The following CDH22 variants were observed in gnomAD, a reference collection of about 807,000 sequenced individuals.
The protein encoded by CDH22 is cadherin-22.
In CDH22, 30 loss-of-function variants were observed where a neutral mutation model predicts 58.4. The ratio of observed to expected loss-of-function variants is 0.51; its 90% CI spans 0.38 to 0.70. CDH22 has a LOEUF of 0.70. Among genes scored for constraint, CDH22 ranks in the 30% least tolerant of loss-of-function variants. CDH22 has a pLI of 0.00. For synonymous variants in CDH22, 513 were observed against 558.2 expected (o/e 0.92, Z 1.14); for missense variants, 1,014 against 1,233.9 (o/e 0.82, Z 2.67).
intron 8 of CDH22, among the ~76,000 whole-genome samples, chr20:46,191,372 C>A (rs141475192): frequency 1.6e-3 from 246 of 152,118 alleles, no homozygotes; most frequent in Admixed American, 2.6e-3. Flanking sequence ...AGGATCCCAG[C>A]CCCTACTAGA....
At chr20:46,186,202 C>T (rs1044597321) in intron 10 of CDH22, among the ~76,000 whole-genome samples, 9 of 81,116 alleles carry the variant, frequency 1.1e-4, no homozygotes, top group Admixed American at 4.1e-4. Flanking sequence ...GACCCTGTCT[C>T]AAAAAAAAAA....
chr20:46,174,466 G>T lies in CDH22; in HGVS notation c.*40C>A. ...TTGTCCTGGGGCCCCGGCGTGTGCTGGGCGGGTGAGCAGCCGCGCCCCGAC... is the reference window on the plus strand; with the variant it reads ...TTGTCCTGGGGCCCCGGCGTGTGCTTGGCGGGTGAGCAGCCGCGCCCCGAC... On this transcript the variant is annotated 3_prime_UTR_variant, in exon 12 of 12. Coordinates refer to ENST00000537909, the MANE Select transcript of CDH22 (RefSeq NM_021248.3). This position sits in a 1 kb window ranked among gnomAD's most constrained non-coding sequence, Gnocchi z 4.4. 1 of 1,358,436 alleles carries T rather than the reference G, an allele frequency of 7.4e-7. No homozygotes were observed. Among genetic ancestry groups the T allele is most frequent in the Non-Finnish European group, 9.6e-7 (1 of 1,038,642 alleles). 84.1% of individuals were successfully genotyped at this position (1,358,436 alleles called of 1,614,324 possible). A position where few individuals can be genotyped will look rare whatever the true frequency, so the allele number is the denominator to read the frequency against.
chr20:46,279,299 AATATCAGC>A (rs1438291044), intron 1 of CDH22, among the ~76,000 whole-genome samples: 1 of 152,212 alleles, frequency 6.6e-6, no homozygotes, highest in Non-Finnish European at 1.5e-5. Context: ...GTGTGAGAGA[AATATCAGC>A]ATGTGTAGCA....
intron 4 of CDH22, among the ~76,000 whole-genome samples, chr20:46,224,725 C>T (rs1388412441): frequency 6.6e-6 from 1 of 152,202 alleles, no homozygotes. Context: ...TCTGCCTCCT[C>T]CCCCAACCTA....
chr20:46,175,016 C>T lies in CDH22; in HGVS notation c.1977G>A (p.Glu659=). 1 of 1,609,790 alleles carries T rather than the reference C, an allele frequency of 6.2e-7. No homozygotes were observed. Among genetic ancestry groups the T allele is most frequent in the Non-Finnish European group, 8.5e-7 (1 of 1,179,512 alleles). Residue 659 remains glutamate (E), a synonymous_variant, in exon 12 of 12, where the codon GAG becomes GAA. Coordinates refer to ENST00000537909, the MANE Select transcript of CDH22 (RefSeq NM_021248.3). ...TGACGTTGTCCCGCATGTCTTCATCCTCGTCCGAGCTCAGGTGGCTCTTGT... is the reference window on the plus strand; with the variant it reads ...TGACGTTGTCCCGCATGTCTTCATCTTCGTCCGAGCTCAGGTGGCTCTTGT... ...RHHKSHLSSD[E]DEDMRDNVIK...
intron 4 of CDH22, among the ~76,000 whole-genome samples, chr20:46,223,666 C>CTTCTTTCCTTCTTTCT (rs2086144108): frequency 1.7e-5 from 2 of 115,524 alleles, no homozygotes; most frequent in African/African-American, 6.8e-5. Flanking sequence ...TTTTTCTTTC[C>CTTCTTTCCTTCTTTCT]TTCTTTCTTT....
At position 46,297,609 on chromosome 20, in the gene CDH22, C is replaced by G. The variant is rs554219220; in HGVS notation, c.-400+10646G>C. 2.7e-5 allele frequency among the ~76,000 whole-genome samples: 4 copies of G among 145,794 alleles called. No homozygotes were observed. In the South Asian group the frequency reaches 8.9e-4, roughly 32 times the overall value. On this transcript the variant is annotated intron_variant, in intron 1 of 11. Coordinates refer to ENST00000537909, the MANE Select transcript of CDH22 (RefSeq NM_021248.3). ...TCTGGCCAGGGGCTCAGCTGCAGGG[C>G]TGGGGTTTGTGAGCACAAAGGCTCA...
Position 46,294,807 on chromosome 20 carries a change from A to G in CDH22, c.-400+13448T>C, listed in dbSNP as rs550610614. On this transcript the variant is annotated intron_variant, in intron 1 of 11. Coordinates refer to ENST00000537909, the MANE Select transcript of CDH22 (RefSeq NM_021248.3). ...CTGAAAAAACTGAGGCACTAGGAGA[A>G]GTGGGATTCCTGGCATTGGCTGTTC... Among the ~76,000 whole-genome samples the G allele has an allele frequency of 7.7e-4, 117 of 152,348 alleles. 3 individuals are homozygous for G. Among genetic ancestry groups the G allele is most frequent in the South Asian group, 7.7e-3 (37 of 4,830 alleles).
At chr20:46,191,621 T>C (rs2085862545) in intron 8 of CDH22, among the ~76,000 whole-genome samples, 1 of 152,192 alleles carries the variant, frequency 6.6e-6, no homozygotes, top group Admixed American at 6.5e-5. Context: ...CTGTTGTTGC[T>C]GTTTTACTGA....
In CDH22 at chr20:46,210,133, G is replaced by T; in HGVS notation, c.1286+174C>A. On this transcript the variant is annotated intron_variant, in intron 7 of 11. Coordinates refer to ENST00000537909, the MANE Select transcript of CDH22 (RefSeq NM_021248.3). The surrounding 1 kb of genome is among the most constrained non-coding windows in gnomAD (Gnocchi z 4.5). The stretch of plus-strand genomic sequence containing the variant: ...TCACATCTGCTTCCTTGGCTCTTTG[G>T]CTCCGTGCCTGTTTCTCTCCACCCG... The T allele has an allele frequency of 1.7e-6, 1 of 588,742 alleles. No individual in the cohort carries two copies. Among genetic ancestry groups the T allele is most frequent in the East Asian group, 3.5e-5 (1 of 28,338 alleles). The allele number at this position is 588,742 out of a possible 1,614,324, so 36.5% of individuals were successfully genotyped here. A position where few individuals can be genotyped will look rare whatever the true frequency, so the allele number is the denominator to read the frequency against.
In CDH22 at chr20:46,174,650, C is replaced by T. The variant is rs372002860; in HGVS notation, c.2343G>A (p.Pro781=). Residue 781 remains proline (P), a synonymous_variant, in exon 12 of 12, where the codon CCG becomes CCA. Transcript: ENST00000537909. This position sits in a 1 kb window ranked among gnomAD's most constrained non-coding sequence, Gnocchi z 4.4. ...QTYAFEGADS[P]AASLSSLHSG... The stretch of plus-strand genomic sequence containing the variant: ...TGTGCAGGGAGCTGAGCGAGGCGGC[C>T]GGCGAGTCCGCGCCCTCGAAGGCGT... The T allele has an allele frequency of 3.9e-6, 6 of 1,555,082 alleles. No homozygotes were observed. The highest frequency in any genetic ancestry group is 5.2e-6 in the Non-Finnish European group (6 of 1,156,890).
At chr20:46,292,246 C>A (rs1354340811) in intron 1 of CDH22, among the ~76,000 whole-genome samples, 1 of 152,214 alleles carries the variant, frequency 6.6e-6, no homozygotes, top group African/African-American at 2.4e-5. Context: ...AACGATATGG[C>A]AGGAGCTGGC....
chr20:46,295,512 G>A (rs1328228073), intron 1 of CDH22, among the ~76,000 whole-genome samples: 7 of 152,154 alleles, frequency 4.6e-5, no homozygotes, highest in African/African-American at 9.7e-5. Flanking sequence ...AGCCTGTAAC[G>A]CAGCTACTGT....
rs1224302858 is a variant in CDH22, at chr20:46,294,366, C to G, written c.-400+13889G>C. On this transcript the variant is annotated intron_variant, in intron 1 of 11. Transcript: ENST00000537909. ...TAATGATGCTGAGGAGCCATGCAAC[C>G]TCCTCTTTCTTCCTCCTGCCCCAAG... is the stretch of plus-strand genomic sequence containing the variant. Among the ~76,000 whole-genome samples the G allele has an allele frequency of 2.6e-5, 4 of 152,286 alleles. No individual in the cohort carries two copies. In the East Asian group the frequency reaches 7.7e-4, roughly 29 times the overall value.
At chr20:46,279,794 A>G (rs1320535095) in intron 1 of CDH22, among the ~76,000 whole-genome samples, 3 of 152,242 alleles carry the variant, frequency 2.0e-5, no homozygotes, top group Non-Finnish European at 2.9e-5. Context: ...TTATTTTTAA[A>G]AGAAATTAAC....
chr20:46,250,960 G>A (rs1438105245), intron 2 of CDH22, 80 bp downstream of exon 2: 6 of 859,590 alleles, frequency 7.0e-6, no homozygotes, highest in Non-Finnish European at 1.2e-5. Flanking sequence ...AAAAGGGCAG[G>A]TGAACAAGGG....
In CDH22 at chr20:46,305,032, C is replaced by T. The variant is rs191278289; in HGVS notation, c.-400+3223G>A. Among the ~76,000 whole-genome samples, 10 of 152,338 alleles carry T rather than the reference C, an allele frequency of 6.6e-5. No homozygotes were observed. In the East Asian group the frequency reaches 1.7e-3, roughly 26 times the overall value. On this transcript the variant is annotated intron_variant, in intron 1 of 11. Transcript: ENST00000537909. Reference sequence around the variant, plus strand: ...GCCCTTGGACAGTCAACAACCTGCCCAACTGCATATAACAGCCATGCCTCC... The same window carrying T: ...GCCCTTGGACAGTCAACAACCTGCCTAACTGCATATAACAGCCATGCCTCC...
chr20:46,275,541 T>C (rs2086513391), intron 1 of CDH22, among the ~76,000 whole-genome samples: 2 of 152,290 alleles, frequency 1.3e-5, no homozygotes, highest in African/African-American at 4.8e-5. Context: ...CTCTCCTCCA[T>C]AGCACGTACA....
intron 8 of CDH22, among the ~76,000 whole-genome samples, chr20:46,189,292 G>T (rs1311131067): frequency 6.6e-6 from 1 of 152,204 alleles, no homozygotes; most frequent in Non-Finnish European, 1.5e-5. Flanking sequence ...TGGGAATGCC[G>T]GGTGAACCGT....
Sources: gnomAD v4.1 joint callset for allele counts (sites outside exome capture counted in the v4.1 genomes callset) on GRCh38, gnomAD v4.1.1 for gene constraint, Gnocchi (gnomAD v3.1) non-coding constraint, MANE v1.5 for transcripts, NCBI Gene and HGNC (gene_info 2026-07-23, HGNC 2026-07-21) for gene names.